The following FRRS1 variants were observed in gnomAD, a reference collection of about 807,000 sequenced individuals.
FRRS1 encodes ferric reductase 1.
In FRRS1, 51 loss-of-function variants were observed where a neutral mutation model predicts 70.7. That is an observed-to-expected ratio of 0.72 (90% CI 0.58 to 0.91). FRRS1 has a LOEUF of 0.91. FRRS1 is among the 40% of genes least tolerant of loss of function. The probability of loss-of-function intolerance (pLI) is 0.00; values close to 1 mark genes in which losing one functional copy is unlikely to be tolerated. For synonymous variants in FRRS1, 225 were observed against 238.7 expected, an observed-to-expected ratio of 0.94 and a Z score of 0.53; for missense variants, 672 against 726.0, an observed-to-expected ratio of 0.93 and a Z score of 0.86.
intron 1 of FRRS1, among the ~76,000 whole-genome samples, chr1:99,751,154 C>T: frequency 6.6e-6 from 1 of 152,130 alleles, no homozygotes; most frequent in East Asian, 1.9e-4. Context: ...TTCTCTTGCC[C>T]TCAGACATCA....
chr1:99,751,753 A>G (rs1157839070), intron 1 of FRRS1, among the ~76,000 whole-genome samples: 1 of 152,208 alleles, frequency 6.6e-6, no homozygotes, highest in African/African-American at 2.4e-5. Flanking sequence ...AGAAAAGTGA[A>G]AAGAAATTCC....
intron 4 of FRRS1, among the ~76,000 whole-genome samples, chr1:99,745,730 G>T (rs564995026): frequency 2.0e-5 from 3 of 152,254 alleles, no homozygotes; most frequent in African/African-American, 7.2e-5. Flanking sequence ...TTGGATATTT[G>T]TCCCCACCCA....
chr1:99,747,578 A>G, intron 3 of FRRS1, 148 bp from the exon 4 acceptor site: 1 of 696,328 alleles, frequency 1.4e-6, no homozygotes, highest in Non-Finnish European at 2.3e-6. Flanking sequence ...AAGAAGCTCT[A>G]AACTTTTTCC....
intron 1 of FRRS1, among the ~76,000 whole-genome samples, chr1:99,760,356 G>A (rs1265952947): frequency 6.6e-6 from 1 of 152,016 alleles, no homozygotes; most frequent in Middle Eastern, 3.2e-3. Flanking sequence ...TTTCTTTCTA[G>A]TAATTTAATT....
intron 5 of FRRS1, among the ~76,000 whole-genome samples, chr1:99,741,388 C>T (rs1377707921): frequency 6.6e-6 from 1 of 152,238 alleles, no homozygotes; most frequent in African/African-American, 2.4e-5. Context: ...CCCTTTTTCA[C>T]ATTCCATCTA....
chr1:99,728,133 C>T (rs921007343), intron 9 of FRRS1, among the ~76,000 whole-genome samples: 2 of 152,246 alleles, frequency 1.3e-5, no homozygotes, highest in Non-Finnish European at 2.9e-5. Flanking sequence ...CTTGCAACAA[C>T]CTCAAAGTCA....
intron 7 of FRRS1, among the ~76,000 whole-genome samples, chr1:99,730,805 G>T (rs566952497): frequency 8.7e-4 from 131 of 151,058 alleles, no homozygotes; most frequent in African/African-American, 1.9e-3. Context: ...AGGTGGAGCT[G>T]GCAGTGAGCC....
At chr1:99,735,478 C>A (rs1160787448) in intron 7 of FRRS1, among the ~76,000 whole-genome samples, 2 of 152,132 alleles carry the variant, frequency 1.3e-5, no homozygotes, top group Admixed American at 1.3e-4. Context: ...ACATTATACA[C>A]TCCAAAGAAA....
At chr1:99,709,328 C>T in intron 15 of FRRS1, 69 bp from the exon 16 acceptor site, 7 of 1,137,310 alleles carry the variant, frequency 6.2e-6, no homozygotes, top group Non-Finnish European at 7.9e-6. Context: ...TTTAAAAAAA[C>T]CTGATTTGTA....
intron 7 of FRRS1, among the ~76,000 whole-genome samples, chr1:99,736,759 TAA>T (rs5776487): frequency 0.49 from 71,358 of 146,480 alleles, 21,243 homozygotes; most frequent in African/African-American, 0.84. Context: ...CCCTAAAACT[TAA>T]AGTGTACTAA....
chr1:99,737,020 T>A (rs1403638923), intron 7 of FRRS1, among the ~76,000 whole-genome samples: 2 of 134,974 alleles, frequency 1.5e-5, no homozygotes, highest in Non-Finnish European at 3.0e-5. Context: ...TAAATCCTGA[T>A]AAGAAGAAAA....
Position 99,738,148 on chromosome 1 carries a change from C to A in FRRS1, c.697G>T (p.Val233Phe). The A allele has an allele frequency of 6.2e-7, 1 of 1,613,914 alleles. No homozygotes were observed. Among genetic ancestry groups the A allele is most frequent in the Non-Finnish European group, 8.5e-7 (1 of 1,179,816 alleles). The stretch of plus-strand genomic sequence containing the variant: ...CCTTTACTGGGGCCGCTCATTTCAA[C>A]CATCACCGATTGGTCATCTCTTGTG... ...SFTRDDQSVM[V>F]EMSGPSKGYL... The change falls in exon 7 of 17, where the codon GTT becomes TTT. Residue 233 changes from valine to phenylalanine, a missense_variant. Val to Phe is a conservative substitution (Grantham distance 50, BLOSUM62 -1). Transcript: ENST00000646001.
chr1:99,710,051 G>A (rs1422716010), intron 15 of FRRS1, among the ~76,000 whole-genome samples: 1 of 152,122 alleles, frequency 6.6e-6, no homozygotes, highest in Non-Finnish European at 1.5e-5. Context: ...GCCTATCAAG[G>A]ATCAAAAGTA....
chr1:99,746,319 T>A (rs12058348), intron 4 of FRRS1, among the ~76,000 whole-genome samples: 2 of 152,142 alleles, frequency 1.3e-5, no homozygotes, highest in Non-Finnish European at 2.9e-5. Flanking sequence ...TGATAGAACA[T>A]CATGAAAGTC....
At chr1:99,737,334 G>T (rs1329527343) in intron 7 of FRRS1, among the ~76,000 whole-genome samples, 1 of 152,172 alleles carries the variant, frequency 6.6e-6, no homozygotes, top group Non-Finnish European at 1.5e-5. Flanking sequence ...ATGCTGCCTG[G>T]ATATACAAGT....
intron 6 of FRRS1, among the ~76,000 whole-genome samples, chr1:99,739,880 G>T (rs369080753): frequency 2.0e-5 from 3 of 150,168 alleles, no homozygotes; most frequent in Admixed American, 1.3e-4. Flanking sequence ...TTCTCAACAC[G>T]TTTTTTTTTT....
chr1:99,742,053 C>A, intron 5 of FRRS1, 126 bp downstream of exon 5: 2 of 602,932 alleles, frequency 3.3e-6, no homozygotes, highest in East Asian at 2.7e-5. Flanking sequence ...TGGGGTTTCA[C>A]CATGTTGCCC....
chr1:99,710,334 G>A (rs1300392385), intron 15 of FRRS1, among the ~76,000 whole-genome samples: 2 of 149,568 alleles, frequency 1.3e-5, no homozygotes, highest in African/African-American at 2.6e-5. Context: ...AAGAGCAAAA[G>A]CAAAATCAGT....
chr1:99,745,976 C>T (rs1656241848), intron 4 of FRRS1, among the ~76,000 whole-genome samples: 1 of 140,456 alleles, frequency 7.1e-6, no homozygotes, highest in South Asian at 2.3e-4. Flanking sequence ...GGCCATGAGG[C>T]CTCCCTAAGG....
Sources: gnomAD v4.1 joint callset for allele counts (sites outside exome capture counted in the v4.1 genomes callset) on GRCh38, gnomAD v4.1.1 for gene constraint, MANE v1.5 for transcripts, NCBI Gene and HGNC (gene_info 2026-07-23, HGNC 2026-07-21) for gene names.